Variants in CDK19 observed in about 807,000 individuals in gnomAD.
CDK19 encodes cyclin dependent kinase 19.
CDK19 carries 20 observed loss-of-function variants against 68.3 expected under a neutral mutation model. That is an observed-to-expected ratio of 0.29 (90% CI 0.21 to 0.43). CDK19 has a LOEUF of 0.43. Among genes scored for constraint, CDK19 ranks in the 20% least tolerant of loss-of-function variants. The probability of loss-of-function intolerance (pLI) is 1.00; values close to 1 mark genes in which losing one functional copy is unlikely to be tolerated. For missense variants in CDK19, 339 were observed against 623.5 expected (o/e 0.54, Z 4.86); for synonymous variants, 221 against 222.8 (o/e 0.99, Z 0.07).
chr6:110,610,365 G>A lies in CDK19; in HGVS notation c.*4170C>T, dbSNP rs1204993174. On this transcript the variant is annotated 3_prime_UTR_variant, in exon 13 of 13. Transcript: ENST00000368911. ...AGTACTTTAAATTGTTGTTAAAAAGGACACCTTCAGTCCAGATTTTGTGTA... is the reference window on the plus strand; with the variant it reads ...AGTACTTTAAATTGTTGTTAAAAAGAACACCTTCAGTCCAGATTTTGTGTA... The A allele has an allele frequency of 1.3e-5, 2 of 152,450 alleles. No individual in the cohort carries two copies. Among genetic ancestry groups the A allele is most frequent in the African/African-American group, 4.8e-5 (2 of 41,382 alleles). The allele number at this position is 152,450 out of a possible 1,614,324, so 9.4% of individuals were successfully genotyped here.
chr6:110,685,003 T>C (rs948714530), intron 2 of CDK19, among the ~76,000 whole-genome samples: 1 of 152,120 alleles, frequency 6.6e-6, no homozygotes. Context: ...CCAGGCATGG[T>C]GGCTTGTGCC....
Position 110,629,640 on chromosome 6 carries a change from C to T in CDK19, c.646+2390G>A, listed in dbSNP as rs1250405949. Reference sequence around the variant, plus strand: ...AAGCGCTGGGATTACAGACATGAGGCACCTTGCCCGGCCCTAAGTACTCAT... The same window carrying T: ...AAGCGCTGGGATTACAGACATGAGGTACCTTGCCCGGCCCTAAGTACTCAT... On this transcript the variant is annotated intron_variant, in intron 6 of 12. Coordinates refer to ENST00000368911, the MANE Select transcript of CDK19 (RefSeq NM_015076.5). 1.3e-5 allele frequency among the ~76,000 whole-genome samples: 2 copies of T among 152,222 alleles called. 1 individual carries two copies. Among genetic ancestry groups the T allele is most frequent in the South Asian group, 4.1e-4 (2 of 4,834 alleles).
At chr6:110,741,135 G>A (rs112549960) in intron 2 of CDK19, among the ~76,000 whole-genome samples, 13 of 151,720 alleles carry the variant, frequency 8.6e-5, no homozygotes, top group African/African-American at 3.1e-4. Context: ...AAGAGAGAAA[G>A]GAAAGGAAAG....
At position 110,610,402 on chromosome 6, in the gene CDK19, G is replaced by C. The variant is rs1411517851; in HGVS notation, c.*4133C>G. On this transcript the variant is annotated 3_prime_UTR_variant, in exon 13 of 13. Transcript: ENST00000368911. ...CCAGATTTTGTGTAATACTTTTAGT[G>C]TCTACACAGACAAATCTTTAAAAAA... 29 of 152,224 alleles carry C rather than the reference G, an allele frequency of 1.9e-4. No homozygotes were observed. The highest frequency in any genetic ancestry group is 1.9e-3 in the Admixed American group (29 of 15,240). 9.4% of individuals were successfully genotyped at this position (152,224 alleles called of 1,614,324 possible).
intron 1 of CDK19, among the ~76,000 whole-genome samples, chr6:110,797,350 GA>G (rs957265849): frequency 6.6e-6 from 1 of 150,606 alleles, no homozygotes; most frequent in Non-Finnish European, 1.5e-5. Context: ...AAAAAAAAAA[GA>G]AAAAAAAGGC....
rs1344522199 is a variant in CDK19, at chr6:110,720,625, G to C, written c.204+25501C>G. ...CTCATGTCTGTAATCCCAACACTTT[G>C]GGAGGCCAAGGCAGGCAGATTACCT... On this transcript the variant is annotated intron_variant, in intron 2 of 12. Coordinates refer to ENST00000368911, the MANE Select transcript of CDK19 (RefSeq NM_015076.5). Among the ~76,000 whole-genome samples the C allele has an allele frequency of 4.6e-5, 7 of 152,140 alleles. No homozygotes were observed. The East Asian group carries it at 1.3e-3, about 29-fold the overall frequency.
chr6:110,688,140 C>T (rs1772650232), intron 2 of CDK19, among the ~76,000 whole-genome samples: 1 of 152,052 alleles, frequency 6.6e-6, no homozygotes, highest in Non-Finnish European at 1.5e-5. Flanking sequence ...AATCCCAGCA[C>T]TTTGGGAGGC....
chr6:110,683,245 G>A (rs1772171723), intron 2 of CDK19, among the ~76,000 whole-genome samples: 1 of 150,138 alleles, frequency 6.7e-6, no homozygotes, highest in Non-Finnish European at 1.5e-5. Context: ...ACAAATTATA[G>A]CTTTTATTAT....
At chr6:110,712,357 T>G (rs759653915) in intron 2 of CDK19, among the ~76,000 whole-genome samples, 1 of 152,164 alleles carries the variant, frequency 6.6e-6, no homozygotes, top group African/African-American at 2.4e-5. Context: ...GGAACATAAT[T>G]TGGGAAAGAA....
intron 2 of CDK19, among the ~76,000 whole-genome samples, chr6:110,696,538 G>A (rs1313063542): frequency 6.6e-6 from 1 of 152,082 alleles, no homozygotes; most frequent in Non-Finnish European, 1.5e-5. Flanking sequence ...CATCCACATT[G>A]GTAAAAAGGA....
intron 4 of CDK19, among the ~76,000 whole-genome samples, chr6:110,663,870 G>T (rs867003282): frequency 6.6e-6 from 1 of 152,096 alleles, no homozygotes; most frequent in African/African-American, 2.4e-5. Context: ...ACTCACTTGA[G>T]GAGTTGGAGG....
At chr6:110,681,414 G>A (rs539926727) in intron 2 of CDK19, among the ~76,000 whole-genome samples, 14 of 152,132 alleles carry the variant, frequency 9.2e-5, no homozygotes, top group African/African-American at 2.4e-4. Context: ...GTGAGATTAT[G>A]CATAATTTAT....
At chr6:110,616,648 G>A (rs1286621542) in intron 12 of CDK19, among the ~76,000 whole-genome samples, 2 of 150,020 alleles carry the variant, frequency 1.3e-5, no homozygotes, top group East Asian at 3.9e-4. Context: ...TAGCCTGGGC[G>A]ACAGAGGGAG....
At chr6:110,654,245 C>A (rs1029896875) in intron 4 of CDK19, among the ~76,000 whole-genome samples, 3 of 152,148 alleles carry the variant, frequency 2.0e-5, no homozygotes, top group Non-Finnish European at 4.4e-5. Flanking sequence ...TCATTGTTTA[C>A]CCTGAACAAA....
At chr6:110,790,566 T>C (rs1781520218) in intron 1 of CDK19, among the ~76,000 whole-genome samples, 1 of 151,868 alleles carries the variant, frequency 6.6e-6, no homozygotes, top group Non-Finnish European at 1.5e-5. Flanking sequence ...AAAAATAAAT[T>C]ATATAGGTTA....
At chr6:110,788,827 T>A (rs1487443139) in intron 1 of CDK19, among the ~76,000 whole-genome samples, 1 of 152,176 alleles carries the variant, frequency 6.6e-6, no homozygotes, top group Non-Finnish European at 1.5e-5. Context: ...CAATCTACAG[T>A]ACATATCAAG....
At chr6:110,655,599 A>G (rs750551099) in intron 4 of CDK19, among the ~76,000 whole-genome samples, 4 of 152,130 alleles carry the variant, frequency 2.6e-5, no homozygotes, top group Non-Finnish European at 4.4e-5. Flanking sequence ...AGAAGTCTGA[A>G]CTTGCATTGA....
In CDK19 at chr6:110,611,976, T is replaced by C. The variant is rs544699335; in HGVS notation, c.*2559A>G. On this transcript the variant is annotated 3_prime_UTR_variant, in exon 13 of 13. Transcript: ENST00000368911. ...ATTTCTGGCTATGTCCTGGAGGATATTGTATACTGGGAGCAACTGACGAAA... is the reference window on the plus strand; with the variant it reads ...ATTTCTGGCTATGTCCTGGAGGATACTGTATACTGGGAGCAACTGACGAAA... 5 of 152,308 alleles carry C rather than the reference T, an allele frequency of 3.3e-5. No homozygotes were observed. The East Asian group carries it at 5.8e-4, about 18-fold the overall frequency. The allele number at this position is 152,308 out of a possible 1,614,324, so 9.4% of individuals were successfully genotyped here.
chr6:110,755,573 T>C (rs1023644284), intron 1 of CDK19, among the ~76,000 whole-genome samples: 1 of 152,080 alleles, frequency 6.6e-6, no homozygotes, highest in African/African-American at 2.4e-5. Context: ...CAGGGCCTTA[T>C]AGACACCAGA....
Sources: allele counts gnomAD v4.1 joint callset (sites outside exome capture counted in the v4.1 genomes callset), GRCh38; gene constraint gnomAD v4.1.1; transcripts MANE v1.5; gene names NCBI Gene and HGNC (gene_info 2026-07-23, HGNC 2026-07-21).